The following NUFIP1 variants were observed in gnomAD, a reference collection of about 807,000 sequenced individuals.
NUFIP1 encodes FMR1-interacting protein NUFIP1.
In NUFIP1, 38 loss-of-function variants were observed where a neutral mutation model predicts 56.2. The observed-to-expected ratio is 0.68, with a 90% CI of 0.52 to 0.89. The LOEUF (loss-of-function observed/expected upper bound fraction) is 0.89, where lower values mean the gene tolerates loss of function less well. NUFIP1 is among the 40% of genes least tolerant of loss of function. NUFIP1 has a pLI of 0.00. For missense variants in NUFIP1, 567 were observed against 605.8 expected (o/e 0.94, Z 0.67); for synonymous variants, 215 against 212.4 (o/e 1.01, Z -0.10).
chr13:44,952,285 A>C (rs990253375), intron 7 of NUFIP1, among the ~76,000 whole-genome samples: 2 of 151,942 alleles, frequency 1.3e-5, no homozygotes, highest in African/African-American at 4.8e-5. Flanking sequence ...CCACCACACC[A>C]GGCTAATTTT....
intron 7 of NUFIP1, among the ~76,000 whole-genome samples, chr13:44,955,725 T>C (rs1012330910): frequency 2.0e-5 from 3 of 152,090 alleles, no homozygotes; most frequent in African/African-American, 4.8e-5. Context: ...GTGGAGAATA[T>C]TTACGGCAGG....
At chr13:44,946,174 T>A (rs1870897397) in intron 8 of NUFIP1, among the ~76,000 whole-genome samples, 1 of 152,152 alleles carries the variant, frequency 6.6e-6, no homozygotes. Context: ...GAATCAGAGC[T>A]TATAATTGTC....
chr13:44,975,036 C>G (rs1871923017), intron 5 of NUFIP1, among the ~76,000 whole-genome samples: 1 of 152,162 alleles, frequency 6.6e-6, no homozygotes, highest in Non-Finnish European at 1.5e-5. Flanking sequence ...ATCTGCACTG[C>G]TAACCATATC....
intron 6 of NUFIP1, among the ~76,000 whole-genome samples, chr13:44,965,586 C>T (rs902441165): frequency 6.6e-6 from 1 of 152,058 alleles, no homozygotes; most frequent in African/African-American, 2.4e-5. Flanking sequence ...CCCAGCTACT[C>T]GGGAGGTTGA....
intron 9 of NUFIP1, among the ~76,000 whole-genome samples, chr13:44,941,673 C>A (rs1056659193): frequency 6.6e-6 from 1 of 151,766 alleles, no homozygotes; most frequent in Non-Finnish European, 1.5e-5. Flanking sequence ...GCCACCATGC[C>A]CGGCTAATTT....
intron 7 of NUFIP1, among the ~76,000 whole-genome samples, chr13:44,956,571 C>T (rs1593360727): frequency 6.6e-6 from 1 of 152,112 alleles, no homozygotes; most frequent in African/African-American, 2.4e-5. Flanking sequence ...TAGACAGTCC[C>T]ATCTTGGGAT....
At chr13:44,959,794 C>T (rs1453330245) in intron 6 of NUFIP1, among the ~76,000 whole-genome samples, 2 of 152,110 alleles carry the variant, frequency 1.3e-5, no homozygotes, top group East Asian at 1.9e-4. Context: ...TATACCACAC[C>T]TTCTTGATTC....
rs1870681915 is a variant in NUFIP1, at chr13:44,940,089, A to C, written c.*1117T>G. On this transcript the variant is annotated 3_prime_UTR_variant, in exon 10 of 10. Transcript: ENST00000379161. ...TTAATATAGGCACAATAGAGGTACA[A>C]AGAGTAAGCACTCAACAGTGTTACA... 1 of 152,248 alleles carries C rather than the reference A, an allele frequency of 6.6e-6. No homozygotes were observed. The highest frequency in any genetic ancestry group is 6.5e-5 in the Admixed American group (1 of 15,280). The allele number at this position is 152,248 out of a possible 1,614,324, so 9.4% of individuals were successfully genotyped here. A position where few individuals can be genotyped will look rare whatever the true frequency, so the allele number is the denominator to read the frequency against.
intron 2 of NUFIP1, among the ~76,000 whole-genome samples, chr13:44,981,637 C>T (rs1043348903): frequency 2.0e-5 from 3 of 151,956 alleles, no homozygotes; most frequent in African/African-American, 7.3e-5. Flanking sequence ...ACAGTAAAAC[C>T]CCAACTCTAC....
At chr13:44,962,627 T>G (rs1158073650) in intron 6 of NUFIP1, among the ~76,000 whole-genome samples, 2 of 152,158 alleles carry the variant, frequency 1.3e-5, no homozygotes, top group South Asian at 2.1e-4. Flanking sequence ...ATAAAACAAT[T>G]TAGTGTAGCC....
At chr13:44,978,986 A>T (rs9526027) in intron 5 of NUFIP1, among the ~76,000 whole-genome samples, 7,875 of 152,076 alleles carry the variant, frequency 0.052, 291 homozygotes, top group East Asian at 0.19. Flanking sequence ...AGCAACATAC[A>T]GTCCCATTAT....
At chr13:44,959,750 T>C (rs61947791) in intron 6 of NUFIP1, among the ~76,000 whole-genome samples, 176 bp from the exon 7 acceptor site, 4,346 of 152,072 alleles carry the variant, frequency 0.029, 95 homozygotes, top group South Asian at 0.049. Flanking sequence ...CAGGGAAGCC[T>C]ATGATAGAAC....
intron 6 of NUFIP1, among the ~76,000 whole-genome samples, chr13:44,961,360 G>A (rs996610313): frequency 2.0e-5 from 3 of 152,122 alleles, no homozygotes; most frequent in Non-Finnish European, 2.9e-5. Context: ...GTAAGCCTAA[G>A]CCTGTTTACT....
chr13:44,977,482 A>G (rs1332202299), intron 5 of NUFIP1, among the ~76,000 whole-genome samples: 1 of 152,184 alleles, frequency 6.6e-6, no homozygotes, highest in East Asian at 1.9e-4. Context: ...ACTGATTTAC[A>G]TTCTGGTACA....
In NUFIP1 at chr13:44,969,748, C is replaced by A. The variant is rs868768368; in HGVS notation, c.735-3812G>T. 4.6e-5 allele frequency among the ~76,000 whole-genome samples: 7 copies of A among 152,312 alleles called. No individual in the cohort carries two copies. In the South Asian group the frequency reaches 1.4e-3, roughly 32 times the overall value. ...AGAGCCAACACATGGGCAAACCGTC[C>A]TAACCATTATCTTAGCACAGACCAT... On this transcript the variant is annotated intron_variant, in intron 5 of 9. Transcript: ENST00000379161.
At position 44,965,898 on chromosome 13, in the gene NUFIP1, T is replaced by A. The variant is rs1035213846; in HGVS notation, c.773A>T (p.Lys258Met). The A allele has an allele frequency of 1.9e-6, 3 of 1,601,654 alleles. No homozygotes were observed. The highest frequency in any genetic ancestry group is 2.7e-5 in the African/African-American group (2 of 74,332). ...TCTCTTCTCCTTTTCAAGTTTTAAC[T>A]TCTTCTTCCTTTCAATATTGGCCAG... is the stretch of plus-strand genomic sequence containing the variant. ...PTLANIERKK[K>M]LKLEKEKRGA... The change falls in exon 6 of 10, where the codon AAG becomes ATG. Residue 258 changes from lysine to methionine, a missense_variant. Physicochemically the swap from Lys to Met is moderately conservative, Grantham distance 95. Transcript: ENST00000379161.
chr13:44,973,986 T>C (rs919693347), intron 5 of NUFIP1, among the ~76,000 whole-genome samples: 1 of 152,240 alleles, frequency 6.6e-6, no homozygotes, highest in Non-Finnish European at 1.5e-5. Flanking sequence ...TTTCCAGTTC[T>C]ATGGAGTTTT....
intron 7 of NUFIP1, among the ~76,000 whole-genome samples, chr13:44,959,163 C>T (rs1871336402): frequency 6.6e-6 from 1 of 152,164 alleles, no homozygotes; most frequent in Admixed American, 6.5e-5. Flanking sequence ...AGTCCTTCTC[C>T]TATAGCCTCC....
chr13:44,985,021 C>T (rs977798310), intron 1 of NUFIP1, among the ~76,000 whole-genome samples: 4 of 152,040 alleles, frequency 2.6e-5, no homozygotes, highest in Non-Finnish European at 4.4e-5. Flanking sequence ...CATCCATGTC[C>T]CTACAAAGGA....
Sources: allele counts gnomAD v4.1 joint callset (sites outside exome capture counted in the v4.1 genomes callset), GRCh38; gene constraint gnomAD v4.1.1; transcripts MANE v1.5; gene names NCBI Gene and HGNC (gene_info 2026-07-23, HGNC 2026-07-21).